C1GALT1: variants seen among roughly 807,000 people sequenced by gnomAD.
The protein encoded by C1GALT1 is glycoprotein-N-acetylgalactosamine 3-beta-galactosyltransferase 1.
A neutral mutation model predicts 31.0 loss-of-function variants in C1GALT1; 11 were observed. The observed-to-expected ratio is 0.36, with a 90% CI of 0.22 to 0.59. The LOEUF is 0.59. Ranked by LOEUF, C1GALT1 falls within the 20% of genes least tolerant of loss-of-function variation. C1GALT1 has a pLI of 0.79. For missense variants in C1GALT1, 424 were observed against 425.2 expected (o/e 1.00, Z 0.03); for synonymous variants, 175 against 143.6 (o/e 1.22, Z -1.56).
intron 1 of C1GALT1, among the ~76,000 whole-genome samples, chr7:7,211,115 A>G (rs908731967): frequency 6.6e-6 from 1 of 152,152 alleles, no homozygotes; most frequent in Non-Finnish European, 1.5e-5. Context: ...GAAGAATGGC[A>G]TGTCCATGTG....
intron 2 of C1GALT1, among the ~76,000 whole-genome samples, chr7:7,159,817 T>G (rs1780315176): frequency 1.3e-5 from 2 of 152,166 alleles, no homozygotes; most frequent in Admixed American, 1.3e-4. Context: ...GGCATTTTCC[T>G]ATAGAAACAC....
chr7:7,239,267 C>T (rs1783513507), intron 3 of C1GALT1, among the ~76,000 whole-genome samples: 1 of 152,108 alleles, frequency 6.6e-6, no homozygotes, highest in African/African-American at 2.4e-5. Flanking sequence ...GTAGTAAGTG[C>T]CCTGAAGAAA....
Position 7,243,638 on chromosome 7 carries a change from T to TATC in C1GALT1, c.1005_1007dup (p.Tyr335_Gln336insHis), listed in dbSNP as rs1376599163. The TATC allele has an allele frequency of 3.1e-6, 5 of 1,612,352 alleles. No individual in the cohort carries two copies. The highest frequency in any genetic ancestry group is 3.4e-6 in the Non-Finnish European group (4 of 1,179,316). On this transcript the variant is annotated inframe_insertion, in exon 4 of 4. Transcript: ENST00000436587. ...TCGTCCATATGGTTATTTATACAGA[T>TATC]ATCAACCTACCTTACCTGAACGTAT...
chr7:7,232,221 T>C (rs1783106569), intron 1 of C1GALT1, among the ~76,000 whole-genome samples: 1 of 152,220 alleles, frequency 6.6e-6, no homozygotes, highest in African/African-American at 2.4e-5. Context: ...ATTTATATTT[T>C]TTTACATTTT....
intron 1 of C1GALT1, among the ~76,000 whole-genome samples, chr7:7,229,554 G>C (rs987587153): frequency 1.3e-5 from 2 of 152,142 alleles, no homozygotes; most frequent in Admixed American, 1.3e-4. Context: ...ATATCGAACA[G>C]ATACTTGACT....
chr7:7,183,104 C>T (rs1273706593), intron 1 of C1GALT1, among the ~76,000 whole-genome samples: 1 of 152,248 alleles, frequency 6.6e-6, no homozygotes, highest in East Asian at 1.9e-4. Flanking sequence ...GGGTCCTTCC[C>T]TTGTGCCCGC....
rs144577782 is a variant in C1GALT1 at position 7,218,339 on chromosome 7, G to C, written c.-17-15964G>C. Among the ~76,000 whole-genome samples, 567 of 152,326 alleles carry C rather than the reference G, an allele frequency of 3.7e-3. 5 individuals carry two copies. The highest frequency in any genetic ancestry group is 0.013 in the African/African-American group (539 of 41,572). ...AGCTAGACCCTGTGTACCAAGTTAA[G>C]CAGTTGGATTTAATTTTGTGGCATT... On this transcript the variant is annotated intron_variant, in intron 1 of 3. Coordinates refer to ENST00000436587, the MANE Select transcript of C1GALT1 (RefSeq NM_020156.5).
chr7:7,244,090 TAATA>T lies in C1GALT1; in HGVS notation c.*366_*369del. 6.3e-6 allele frequency: 1 copy of T among 159,624 alleles called. No homozygotes were observed. Among genetic ancestry groups the T allele is most frequent in the Non-Finnish European group, 1.4e-5 (1 of 72,726 alleles). 9.9% of individuals were successfully genotyped at this position (159,624 alleles called of 1,614,324 possible). A position where few individuals can be genotyped will look rare whatever the true frequency, so the allele number is the denominator to read the frequency against. On this transcript the variant is annotated 3_prime_UTR_variant, in exon 4 of 4. Transcript: ENST00000436587. The stretch of plus-strand genomic sequence containing the variant: ...CTAAAACTACACTGCACCATGTTAG[TAATA>T]AACAGATCTGCCTTAAAGAAAAGAA...
At chr7:7,173,570 T>G (rs1014931777) in intron 2 of C1GALT1, among the ~76,000 whole-genome samples, 1 of 152,188 alleles carries the variant, frequency 6.6e-6, no homozygotes, top group African/African-American at 2.4e-5. Flanking sequence ...TATTTATCCA[T>G]TTACCTTGTA....
chr7:7,209,738 C>T (rs1046900131), intron 1 of C1GALT1, among the ~76,000 whole-genome samples: 2 of 152,182 alleles, frequency 1.3e-5, no homozygotes, highest in Non-Finnish European at 2.9e-5. Flanking sequence ...CTTTCACTCA[C>T]GTCCGTGTGA....
At chr7:7,197,156 A>G (rs1173355746) in intron 1 of C1GALT1, among the ~76,000 whole-genome samples, 1 of 152,166 alleles carries the variant, frequency 6.6e-6, no homozygotes, top group Non-Finnish European at 1.5e-5. Flanking sequence ...GTTTTCTTAC[A>G]GGGTTTTTCT....
chr7:7,178,287 A>C (rs1166306830), upstream of C1GALT1: 1 of 231,320 alleles, frequency 4.3e-6, no homozygotes, highest in East Asian at 1.1e-4. Flanking sequence ...GAGTCATCAG[A>C]GGCATCTGTA....
rs1158179131 is a variant in C1GALT1, at chr7:7,206,975, T to G, written c.-18+24155T>G. ...ATTCTACTTGGAGTCTTTTTCAGCT[T>G]CTTAGATGTTTATATTCATGCCTTT... On this transcript the variant is annotated intron_variant, in intron 1 of 3. Coordinates refer to ENST00000436587, the MANE Select transcript of C1GALT1 (RefSeq NM_020156.5). 2.0e-5 allele frequency among the ~76,000 whole-genome samples: 3 copies of G among 152,256 alleles called. No homozygotes were observed. In the East Asian group the frequency reaches 5.8e-4, roughly 29 times the overall value.
chr7:7,158,641 A>G (rs1780300317), intron 2 of C1GALT1, among the ~76,000 whole-genome samples: 1 of 150,988 alleles, frequency 6.6e-6, no homozygotes, highest in Non-Finnish European at 1.5e-5. Context: ...ACATGTATCT[A>G]TTTATATATG....
At chr7:7,217,087 G>A (rs962833612) in intron 1 of C1GALT1, among the ~76,000 whole-genome samples, 2 of 152,132 alleles carry the variant, frequency 1.3e-5, no homozygotes, top group African/African-American at 2.4e-5. Context: ...GTTGAAATCC[G>A]CTGCATACTT....
In C1GALT1 at chr7:7,183,700, A is replaced by G. The variant is rs531775460; in HGVS notation, c.-18+880A>G. 1,334 of 677,934 alleles carry G rather than the reference A, an allele frequency of 2.0e-3. 3 individuals are homozygous for G. Among genetic ancestry groups the G allele is most frequent in the Middle Eastern group, 0.011 (15 of 1,344 alleles). The allele number at this position is 677,934 out of a possible 1,614,324, so 42.0% of individuals were successfully genotyped here. A position where few individuals can be genotyped will look rare whatever the true frequency, so the allele number is the denominator to read the frequency against. On this transcript the variant is annotated intron_variant, in intron 1 of 3. Coordinates refer to ENST00000436587, the MANE Select transcript of C1GALT1 (RefSeq NM_020156.5). The stretch of plus-strand genomic sequence containing the variant: ...CCCCACCACCCCGCATTTAAAGCAA[A>G]CAACAGTATCAGCAACAAAAAACCC...
intron 1 of C1GALT1, among the ~76,000 whole-genome samples, chr7:7,192,293 CT>C (rs1781108244): frequency 6.6e-6 from 1 of 152,008 alleles, no homozygotes; most frequent in African/African-American, 2.4e-5. Flanking sequence ...CCCTCACCCC[CT>C]CCCACCCTTT....
At chr7:7,173,560 T>G (rs961383746) in intron 2 of C1GALT1, among the ~76,000 whole-genome samples, 1 of 152,198 alleles carries the variant, frequency 6.6e-6, no homozygotes, top group Non-Finnish European at 1.5e-5. Context: ...TACCACAGTT[T>G]ATTTATCCAT....
At chr7:7,216,920 TTC>T (rs368369746) in intron 1 of C1GALT1, among the ~76,000 whole-genome samples, 117 of 152,346 alleles carry the variant, frequency 7.7e-4, no homozygotes, top group South Asian at 2.3e-3. Flanking sequence ...CCTGCTGTAA[TTC>T]TCTTTCTTTT....
Sources: allele counts gnomAD v4.1 joint callset (sites outside exome capture counted in the v4.1 genomes callset), GRCh38; gene constraint gnomAD v4.1.1; transcripts MANE v1.5; gene names NCBI Gene and HGNC (gene_info 2026-07-23, HGNC 2026-07-21).